Variants in LY96 observed in about 807,000 individuals in gnomAD.
The protein encoded by LY96 is myeloid differentiation protein-2.
Under a neutral mutation model 18.9 loss-of-function variants are expected in LY96, and 18 were observed. The observed-to-expected ratio is 0.95, with a 90% confidence interval of 0.66 to 1.41. The LOEUF (loss-of-function observed/expected upper bound fraction) is 1.41, where lower values mean the gene tolerates loss of function less well. Among genes scored for constraint, LY96 ranks in the 40% most tolerant of loss-of-function variants. The pLI is 0.00. For synonymous variants in LY96, 66 were observed against 62.6 expected (o/e 1.06, Z -0.26); for missense variants, 175 against 182.4 (o/e 0.96, Z 0.23).
intron 3 of LY96, among the ~76,000 whole-genome samples, chr8:74,019,573 G>A (rs1020231669): frequency 2.6e-5 from 4 of 152,150 alleles, no homozygotes; most frequent in Admixed American, 2.6e-4. Flanking sequence ...CATTTTATGA[G>A]GCCAGCATCA....
chr8:74,096,854 TC>T, the LY96 span, among the ~76,000 whole-genome samples: 1 of 152,102 alleles, frequency 6.6e-6, no homozygotes, highest in Non-Finnish European at 1.5e-5. Flanking sequence ...AAGCCTTTGA[TC>T]GGGGGAGACC....
At chr8:74,092,663 C>T in the LY96 span, among the ~76,000 whole-genome samples, 1 of 152,350 alleles carries the variant, frequency 6.6e-6, no homozygotes, top group East Asian at 1.9e-4. Context: ...ACTGAACTCA[C>T]TGTTTCACCC....
At chr8:74,080,021 T>G in the LY96 span, among the ~76,000 whole-genome samples, 1 of 152,186 alleles carries the variant, frequency 6.6e-6, no homozygotes, top group Non-Finnish European at 1.5e-5. Context: ...AGTTTCTTCC[T>G]CAAGTTCACA....
the LY96 span, among the ~76,000 whole-genome samples, chr8:74,041,509 C>T: frequency 3.5e-4 from 53 of 152,110 alleles, no homozygotes; most frequent in Non-Finnish European, 5.9e-4. Flanking sequence ...TATAAGTGGA[C>T]GTGCAAGTAG....
chr8:74,018,238 T>TA (rs898873889), intron 3 of LY96, among the ~76,000 whole-genome samples: 3 of 145,022 alleles, frequency 2.1e-5, no homozygotes, highest in East Asian at 2.0e-4. Flanking sequence ...CAAAAAAAAA[T>TA]AAAAAAAATA....
Position 74,004,676 on chromosome 8 carries a change from C to T in LY96, c.113-120C>T, listed in dbSNP as rs1437609757. The T allele has an allele frequency of 4.2e-6, 4 of 943,562 alleles. No homozygotes were observed. The Admixed American group carries it at 1.1e-4, about 27-fold the overall frequency. 58.4% of individuals were successfully genotyped at this position (943,562 alleles called of 1,614,324 possible). On this transcript the variant is annotated intron_variant, in intron 1 of 4. Coordinates refer to ENST00000284818, the MANE Select transcript of LY96 (RefSeq NM_015364.5). ...CTGGGGAGATATTTTCAATCATCAT[C>T]AATTTTTCTTATTTTATAATTTTAA... is the stretch of plus-strand genomic sequence containing the variant.
chr8:74,035,023 C>A, the LY96 span, among the ~76,000 whole-genome samples: 1 of 152,174 alleles, frequency 6.6e-6, no homozygotes, highest in African/African-American at 2.4e-5. Context: ...CTCCTGGGTA[C>A]AAAACTCCCA....
chr8:74,036,996 A>G, the LY96 span, among the ~76,000 whole-genome samples: 4 of 152,150 alleles, frequency 2.6e-5, no homozygotes, highest in Non-Finnish European at 4.4e-5. Flanking sequence ...TGATCTTCTT[A>G]TATGCTTGAT....
chr8:74,087,270 G>A, the LY96 span, among the ~76,000 whole-genome samples: 183 of 152,282 alleles, frequency 1.2e-3, 2 homozygotes, highest in Middle Eastern at 0.027. Flanking sequence ...TATTTAAAAT[G>A]CAGATTAATA....
chr8:74,015,511 A>G (rs1816623453), intron 3 of LY96, among the ~76,000 whole-genome samples: 1 of 152,056 alleles, frequency 6.6e-6, no homozygotes, highest in African/African-American at 2.4e-5. Context: ...TCAGTGTCCA[A>G]ATTTCCCCTT....
the LY96 span, among the ~76,000 whole-genome samples, chr8:74,050,839 G>A: frequency 3.3e-5 from 5 of 152,046 alleles, no homozygotes; most frequent in African/African-American, 7.2e-5. Flanking sequence ...CTGGACCAAC[G>A]TGGTGAAATT....
chr8:74,005,023 C>T (rs1171605578), intron 2 of LY96, 138 bp downstream of exon 2: 7 of 888,180 alleles, frequency 7.9e-6, no homozygotes, highest in African/African-American at 1.7e-5. Flanking sequence ...TGGCTTAACA[C>T]AGCACACATT....
chr8:73,996,377 C>CATTTCTTTCTT (rs1816138242), intron 1 of LY96, among the ~76,000 whole-genome samples: 1 of 30,224 alleles, frequency 3.3e-5, no homozygotes, highest in Non-Finnish European at 7.2e-5. Context: ...TCATTCCTTT[C>CATTTCTTTCTT]TTTCTTTCTT....
chr8:74,010,908 GT>G (rs67413268), intron 3 of LY96, among the ~76,000 whole-genome samples: 45,853 of 146,910 alleles, frequency 0.31, 9,659 homozygotes, highest in African/African-American at 0.61. Context: ...GCAGATTACT[GT>G]TTTTTTTTTT....
chr8:74,042,443 C>T, the LY96 span, among the ~76,000 whole-genome samples: 1 of 152,122 alleles, frequency 6.6e-6, no homozygotes, highest in South Asian at 2.1e-4. Flanking sequence ...ATTGCTTGAA[C>T]CCAGGAGGTG....
chr8:74,095,496 T>C, the LY96 span, among the ~76,000 whole-genome samples: 7 of 152,154 alleles, frequency 4.6e-5, no homozygotes, highest in Non-Finnish European at 7.3e-5. Flanking sequence ...AAAACATTTC[T>C]CTTCTTACTT....
chr8:74,031,353 T>G (rs760412302), downstream of LY96, among the ~76,000 whole-genome samples: 7 of 152,200 alleles, frequency 4.6e-5, no homozygotes, highest in Non-Finnish European at 7.3e-5. Context: ...TTTTGCTGGG[T>G]GTGGTGGCTC....
the LY96 span, among the ~76,000 whole-genome samples, chr8:74,076,443 C>T: frequency 6.6e-6 from 1 of 151,872 alleles, no homozygotes. Flanking sequence ...CCTGCCTCAG[C>T]CTCCCTAGTA....
the LY96 span, among the ~76,000 whole-genome samples, chr8:74,051,983 T>C: frequency 6.6e-6 from 1 of 151,620 alleles, no homozygotes; most frequent in African/African-American, 2.4e-5. Flanking sequence ...TTCCTATACA[T>C]GTTTAGTGCA....
Sources: gnomAD v4.1 joint callset for allele counts (sites outside exome capture counted in the v4.1 genomes callset) on GRCh38, gnomAD v4.1.1 for gene constraint, MANE v1.5 for transcripts, NCBI Gene and HGNC (gene_info 2026-07-23, HGNC 2026-07-21) for gene names.